CSMD3: variants seen among roughly 807,000 people sequenced by gnomAD.
CSMD3 encodes the protein CUB and Sushi multiple domains 3, also known as CUB and sushi domain-containing protein 3.
CSMD3 carries 177 observed loss-of-function variants against 435.2 expected under a neutral mutation model. That is an observed-to-expected ratio of 0.41 (90% CI 0.36 to 0.46). CSMD3 has a LOEUF of 0.46. Among genes scored for constraint, CSMD3 ranks in the 20% least tolerant of loss-of-function variants. The pLI is 0.34. For synonymous variants in CSMD3, 1,656 were observed against 1,520.5 expected, an observed-to-expected ratio of 1.09 and a Z score of -2.07; for missense variants, 4,265 against 4,504.6, an observed-to-expected ratio of 0.95 and a Z score of 1.52.
At chr8:112,869,111 C>T (rs1465060971) in intron 10 of CSMD3, among the ~76,000 whole-genome samples, 1 of 152,076 alleles carries the variant, frequency 6.6e-6, no homozygotes, top group Non-Finnish European at 1.5e-5. Flanking sequence ...AATCTGGCTC[C>T]TGGGACTGAG....
intron 13 of CSMD3, among the ~76,000 whole-genome samples, chr8:112,768,443 A>G (rs1012039731): frequency 2.0e-5 from 3 of 151,940 alleles, no homozygotes; most frequent in Admixed American, 6.6e-5. Flanking sequence ...AAAGCTCACC[A>G]TATGTCTGTT....
Position 113,336,922 on chromosome 8 carries a change from T to C in CSMD3, c.179-22129A>G, listed in dbSNP as rs184796201. 2.1e-3 allele frequency among the ~76,000 whole-genome samples: 315 copies of C among 152,216 alleles called. 1 individual carries two copies. The highest frequency in any genetic ancestry group is 6.1e-3 in the African/African-American group (255 of 41,558). On this transcript the variant is annotated intron_variant, in intron 1 of 70. Transcript: ENST00000297405. ...ACACCTTCTTGTAGCCTGGTAAGCC[T>C]GAAAGTACCAGCTCCCCACTTAGTC...
At chr8:112,587,924 A>C (rs1375338790) in intron 22 of CSMD3, among the ~76,000 whole-genome samples, 2 of 151,858 alleles carry the variant, frequency 1.3e-5, no homozygotes, top group Non-Finnish European at 2.9e-5. Flanking sequence ...AATTTTGCAA[A>C]ATTTGAGGAA....
chr8:112,938,034 G>C (rs2083339033), intron 9 of CSMD3, among the ~76,000 whole-genome samples: 2 of 152,112 alleles, frequency 1.3e-5, no homozygotes, highest in Admixed American at 1.3e-4. Context: ...AAACAGTCGA[G>C]AAGCCAGGGG....
chr8:112,924,295 G>T (rs575008291), intron 9 of CSMD3, among the ~76,000 whole-genome samples: 1 of 152,266 alleles, frequency 6.6e-6, no homozygotes, highest in African/African-American at 2.4e-5. Flanking sequence ...GAGATGTTAT[G>T]ATGGCAACAA....
At chr8:113,227,037 G>C (rs970486496) in intron 3 of CSMD3, among the ~76,000 whole-genome samples, 2 of 151,622 alleles carry the variant, frequency 1.3e-5, no homozygotes, top group East Asian at 1.9e-4. Flanking sequence ...TGGAAATATA[G>C]TACAGATTGG....
intron 1 of CSMD3, chr8:113,377,204 G>T (rs2094391224): frequency 1.9e-6 from 2 of 1,080,594 alleles, no homozygotes; most frequent in Non-Finnish European, 2.3e-6. Flanking sequence ...CCGGAAGTTC[G>T]AGCGCGCGAG....
chr8:113,409,656 G>C (rs1306474609), intron 1 of CSMD3, among the ~76,000 whole-genome samples: 1 of 152,060 alleles, frequency 6.6e-6, no homozygotes. Flanking sequence ...GGAATTATTC[G>C]GTTGAAGTTC....
chr8:112,638,674 CT>C, intron 21 of CSMD3, 21 bp downstream of exon 21: 1 of 1,426,300 alleles, frequency 7.0e-7, no homozygotes, highest in Non-Finnish European at 9.9e-7. Context: ...TGAATGAGCC[CT>C]TTTGTTTTTT....
At chr8:112,659,787 G>A (rs2075337858) in intron 17 of CSMD3, among the ~76,000 whole-genome samples, 1 of 152,010 alleles carries the variant, frequency 6.6e-6, no homozygotes, top group Non-Finnish European at 1.5e-5. Flanking sequence ...TGGTGTTATT[G>A]CTATTTTGTT....
chr8:113,314,852 GA>G, intron 1 of CSMD3, 59 bp from the exon 2 acceptor site: 1 of 1,141,516 alleles, frequency 8.8e-7, no homozygotes, highest in Non-Finnish European at 1.3e-6. Context: ...CAATCCATGA[GA>G]TAATATTATT....
chr8:113,194,984 G>C (rs1223728835), intron 3 of CSMD3, among the ~76,000 whole-genome samples: 1 of 151,050 alleles, frequency 6.6e-6, no homozygotes. Context: ...AATTGCCCCT[G>C]ATCTCTTCCA....
At chr8:112,472,361 A>G (rs967477131) in intron 32 of CSMD3, among the ~76,000 whole-genome samples, 2 of 152,164 alleles carry the variant, frequency 1.3e-5, no homozygotes, top group African/African-American at 4.8e-5. Flanking sequence ...ATTAAAAACA[A>G]TCCTGTTTTC....
chr8:112,638,700 G>C lies in CSMD3; in HGVS notation c.3522C>G (p.Phe1174Leu), dbSNP rs756399245. Reference protein sequence around the residue: ...SISYEGFNITFSEYNLEPCED... With the variant: ...SISYEGFNITLSEYNLEPCED... ...TTTTGTTTTTTATTTTCTCACCAGA[G>C]AATGTTATGTTAAATCCTTCATATG... The change falls in exon 21 of 71, where the codon TTC becomes TTG. Residue 1174 changes from phenylalanine to leucine, a missense_variant. By Grantham distance (22) the Phe-to-Leu change is conservative. Around this residue, in one of 3 missense-constraint regions of CSMD3, gnomAD observed 3,255 missense variants for 3,380.2 expected, o/e 0.96. Coordinates refer to ENST00000297405, the MANE Select transcript of CSMD3 (RefSeq NM_198123.2). 6.4e-7 allele frequency: 1 copy of C among 1,567,446 alleles called. No individual in the cohort carries two copies. Among genetic ancestry groups the C allele is most frequent in the Non-Finnish European group, 8.8e-7 (1 of 1,138,522 alleles).
chr8:113,374,828 AAAAAAAAAAAAAAAAAAAAC>A (rs1442913458), intron 1 of CSMD3, among the ~76,000 whole-genome samples: 9 of 102,882 alleles, frequency 8.7e-5, no homozygotes, highest in African/African-American at 3.0e-4. Flanking sequence ...TAAAAAAAAA[AAAAAAAAAAAAAAAAAAAAC>A]CAATAAAATG....
chr8:113,428,082 A>G (rs2094646630), intron 1 of CSMD3, among the ~76,000 whole-genome samples: 1 of 151,710 alleles, frequency 6.6e-6, no homozygotes, highest in South Asian at 2.1e-4. Flanking sequence ...ATCGCTTATA[A>G]AAGTAGAAAG....
chr8:112,642,608 C>A (rs1224177778), intron 20 of CSMD3, among the ~76,000 whole-genome samples: 2 of 151,974 alleles, frequency 1.3e-5, no homozygotes, highest in Non-Finnish European at 2.9e-5. Flanking sequence ...TCTGACTACA[C>A]AATGTAAATG....
rs139968762 is a variant in CSMD3, at chr8:112,254,287, C to T, written c.10076G>A (p.Arg3359Gln). The T allele has an allele frequency of 1.4e-5, 22 of 1,612,494 alleles. No individual in the cohort carries two copies. Among genetic ancestry groups the T allele is most frequent in the African/African-American group, 1.1e-4 (8 of 74,886 alleles). ...QTSCENPGVP[R>Q]HGSQNNTFGF... The stretch of plus-strand genomic sequence containing the variant: ...GAATGTATTGTTCTGAGATCCATGC[C>T]GAGGCACACCTGGGTTTTCACAAGA... The change falls in exon 63 of 71, where the codon CGG becomes CAG. Residue 3359 changes from arginine (R) to glutamine (Q), a missense_variant. Physicochemically the swap from Arg to Gln is conservative, Grantham distance 43. This residue lies in a region of CSMD3 where 3,255 missense variants were observed against 3,380.2 expected (regional missense o/e 0.96). Transcript: ENST00000297405.
At chr8:113,279,664 A>AG (rs1318358454) in intron 2 of CSMD3, among the ~76,000 whole-genome samples, 2 of 151,792 alleles carry the variant, frequency 1.3e-5, no homozygotes, top group South Asian at 2.1e-4. Flanking sequence ...CAATGAGAGA[A>AG]CAAAATGTAT....
Sources: allele counts gnomAD v4.1 joint callset (sites outside exome capture counted in the v4.1 genomes callset), GRCh38; gene constraint gnomAD v4.1.1; regional missense constraint gnomAD v4.1.1; transcripts MANE v1.5; gene names NCBI Gene and HGNC (gene_info 2026-07-23, HGNC 2026-07-21).